The following LARP1B variants were observed in gnomAD, a reference collection of about 807,000 sequenced individuals.
The protein encoded by LARP1B is la-related protein 1B.
In LARP1B, 76 loss-of-function variants were observed where a neutral mutation model predicts 114.2. The observed-to-expected ratio is 0.67, with a 90% CI of 0.55 to 0.81. LARP1B has a LOEUF of 0.81. LARP1B is among the 30% of genes least tolerant of loss of function. The probability of loss-of-function intolerance (pLI) is 0.00; values close to 1 mark genes in which losing one functional copy is unlikely to be tolerated. For missense variants in LARP1B, 1,014 were observed against 1,075.8 expected (o/e 0.94, Z 0.80); for synonymous variants, 345 against 348.0 (o/e 0.99, Z 0.10).
intron 3 of LARP1B, among the ~76,000 whole-genome samples, chr4:128,076,882 C>T (rs559320493): frequency 3.9e-5 from 6 of 152,166 alleles, no homozygotes; most frequent in East Asian, 3.9e-4. Context: ...TGCACCACCA[C>T]GCCTGGCTAA....
intron 8 of LARP1B, among the ~76,000 whole-genome samples, chr4:128,100,488 G>A (rs533149928): frequency 6.6e-6 from 1 of 150,798 alleles, no homozygotes; most frequent in African/African-American, 2.4e-5. Flanking sequence ...TGGCCAGGAT[G>A]GTCTTGATCT....
intron 8 of LARP1B, among the ~76,000 whole-genome samples, chr4:128,102,989 C>T (rs1406464746): frequency 6.6e-6 from 1 of 152,080 alleles, no homozygotes; most frequent in South Asian, 2.1e-4. Context: ...TCTCTTACTA[C>T]CAGGCAGTAA....
At chr4:128,153,190 C>G (rs1386984653) in intron 11 of LARP1B, among the ~76,000 whole-genome samples, 2 of 151,712 alleles carry the variant, frequency 1.3e-5, no homozygotes, top group Non-Finnish European at 2.9e-5. Flanking sequence ...ACTATGTTGG[C>G]CAGGCTGGTC....
At chr4:128,068,971 C>A in intron 1 of LARP1B, 1 of 644,828 alleles carries the variant, frequency 1.6e-6, no homozygotes, top group South Asian at 2.1e-5. Context: ...CATGATTGTC[C>A]TAAATTGTTT....
intron 5 of LARP1B, among the ~76,000 whole-genome samples, chr4:128,083,658 G>A (rs547468822): frequency 0.035 from 3,686 of 104,576 alleles, 157 homozygotes; most frequent in Non-Finnish European, 0.057. Context: ...GGGGCGGCTG[G>A]CCAGGTGGGG....
intron 7 of LARP1B, among the ~76,000 whole-genome samples, chr4:128,096,679 A>T (rs968310371): frequency 6.7e-6 from 1 of 148,830 alleles, no homozygotes; most frequent in Non-Finnish European, 1.5e-5. Flanking sequence ...TGGCTCACTG[A>T]AAGCTCCGCC....
chr4:128,106,566 T>G (rs539601245), intron 8 of LARP1B, among the ~76,000 whole-genome samples: 3 of 152,092 alleles, frequency 2.0e-5, no homozygotes, highest in East Asian at 1.9e-4. Flanking sequence ...GGGAGGCACC[T>G]TTGCCTAATG....
intron 11 of LARP1B, among the ~76,000 whole-genome samples, chr4:128,146,577 A>G (rs1414794641): frequency 6.6e-6 from 1 of 152,202 alleles, no homozygotes; most frequent in Non-Finnish European, 1.5e-5. Context: ...GTAATAAATG[A>G]AAGAACAGTT....
intron 11 of LARP1B, chr4:128,122,860 A>G: frequency 2.0e-6 from 2 of 1,024,706 alleles, no homozygotes; most frequent in Non-Finnish European, 2.3e-6. Context: ...ATAGTTTATC[A>G]GGTATCTGCA....
intron 9 of LARP1B, chr4:128,108,144 A>G: frequency 7.7e-7 from 1 of 1,292,402 alleles, no homozygotes; most frequent in Middle Eastern, 2.2e-4. Flanking sequence ...GGAGCTGCCT[A>G]TTTCTGTGTA....
In LARP1B at chr4:128,064,562, TTC is replaced by T. The variant is rs1174168133; in HGVS notation, c.-78+3163_-78+3164del. Among the ~76,000 whole-genome samples the T allele has an allele frequency of 5.9e-5, 9 of 152,336 alleles. 1 individual carries two copies. The South Asian group carries it at 1.7e-3, about 28-fold the overall frequency. On this transcript the variant is annotated intron_variant, in intron 1 of 19. Transcript: ENST00000326639. ...GTTAAGTGAAGACCTCATAAAGTTT[TTC>T]TTTTTTTTCTTTTTTAAAGCCCAGT... is the stretch of plus-strand genomic sequence containing the variant.
intron 15 of LARP1B, among the ~76,000 whole-genome samples, chr4:128,196,248 C>CAAAAAAAAAAAAA (rs35423896): frequency 1.1e-5 from 1 of 88,608 alleles, no homozygotes; most frequent in African/African-American, 4.4e-5. Context: ...GAGAGTCTGT[C>CAAAAAAAAAAAAA]AAAAAAAAAA....
At chr4:128,087,927 G>A (rs1288517773) in intron 5 of LARP1B, among the ~76,000 whole-genome samples, 1 of 151,632 alleles carries the variant, frequency 6.6e-6, no homozygotes, top group Non-Finnish European at 1.5e-5. Context: ...TTTTCAAAAT[G>A]TCATTTTAAG....
intron 9 of LARP1B, among the ~76,000 whole-genome samples, chr4:128,109,260 T>C (rs986469778): frequency 6.6e-6 from 1 of 152,170 alleles, no homozygotes; most frequent in African/African-American, 2.4e-5. Flanking sequence ...TGTGCTTATA[T>C]GTATCTATGA....
chr4:128,151,963 C>T (rs1219346897), intron 11 of LARP1B, among the ~76,000 whole-genome samples: 1 of 152,092 alleles, frequency 6.6e-6, no homozygotes, highest in African/African-American at 2.4e-5. Context: ...AGTATATGCT[C>T]TCCAGAGACA....
chr4:128,077,934 G>A lies in LARP1B; in HGVS notation c.189G>A (p.Glu63=). The A allele has an allele frequency of 6.2e-7, 1 of 1,606,328 alleles. No homozygotes were observed. The highest frequency in any genetic ancestry group is 8.5e-7 in the Non-Finnish European group (1 of 1,178,072). Reference sequence around the variant, plus strand: ...CTGGTGAAAACGTCAGTGAGGATGAGGCTCAGTCAAGTAATCAACGTAAGA... The same window carrying A: ...CTGGTGAAAACGTCAGTGAGGATGAAGCTCAGTCAAGTAATCAACGTAAGA... ...NGPGENVSED[E]AQSSNQRKRA... Residue 63 remains glutamate, a synonymous_variant, in exon 4 of 20, where the codon GAG becomes GAA. Coordinates refer to ENST00000326639, the MANE Select transcript of LARP1B (RefSeq NM_018078.4).
At position 128,079,990 on chromosome 4, in the gene LARP1B, T is replaced by A. The variant is rs1769641947; in HGVS notation, c.217+2028T>A. Among the ~76,000 whole-genome samples, 3 of 151,922 alleles carry A rather than the reference T, an allele frequency of 2.0e-5. No individual in the cohort carries two copies. In the South Asian group the frequency reaches 6.2e-4, roughly 32 times the overall value. Reference sequence around the variant, plus strand: ...TTATCCTGATCTAAAATTTGTCTTTTTTTTTTTTTTTGAGATGGAGTTTCG... The same window carrying A: ...TTATCCTGATCTAAAATTTGTCTTTATTTTTTTTTTTGAGATGGAGTTTCG... On this transcript the variant is annotated intron_variant, in intron 4 of 19. Coordinates refer to ENST00000326639, the MANE Select transcript of LARP1B (RefSeq NM_018078.4).
Position 128,210,442 on chromosome 4 carries a change from T to C in LARP1B, c.*389T>C. On this transcript the variant is annotated 3_prime_UTR_variant, in exon 20 of 20. Coordinates refer to ENST00000326639, the MANE Select transcript of LARP1B (RefSeq NM_018078.4). ...TTCAGCTCATACTTCTTAAAGAAGA[T>C]ATAGTATGTTGTATTCTCTTCTTAG... 9.8e-7 allele frequency: 1 copy of C among 1,023,076 alleles called. No individual in the cohort carries two copies. The highest frequency in any genetic ancestry group is 1.2e-6 in the Non-Finnish European group (1 of 850,036). 63.4% of individuals were successfully genotyped at this position (1,023,076 alleles called of 1,614,324 possible).
intron 9 of LARP1B, among the ~76,000 whole-genome samples, chr4:128,110,212 A>G (rs1783564198): frequency 6.6e-6 from 1 of 152,134 alleles, no homozygotes; most frequent in Non-Finnish European, 1.5e-5. Context: ...GATAATTTTC[A>G]GTTAATAAAA....
Sources: gnomAD v4.1 joint callset for allele counts (sites outside exome capture counted in the v4.1 genomes callset) on GRCh38, gnomAD v4.1.1 for gene constraint, MANE v1.5 for transcripts, NCBI Gene and HGNC (gene_info 2026-07-23, HGNC 2026-07-21) for gene names.